The following CAMK1D variants were observed in gnomAD, a reference collection of about 807,000 sequenced individuals.
The protein encoded by CAMK1D is calcium/calmodulin-dependent protein kinase type 1D.
Under a neutral mutation model 47.7 loss-of-function variants are expected in CAMK1D, and 9 were observed. The ratio of observed to expected loss-of-function variants is 0.19; its 90% confidence interval spans 0.11 to 0.33. The LOEUF is 0.33. CAMK1D is among the 10% of genes least tolerant of loss of function. The probability of loss-of-function intolerance (pLI) is 1.00; values close to 1 mark genes in which losing one functional copy is unlikely to be tolerated. For missense variants in CAMK1D, 291 were observed against 488.7 expected (o/e 0.60, Z 3.81); for synonymous variants, 184 against 184.9 (o/e 0.99, Z 0.04).
intron 2 of CAMK1D, among the ~76,000 whole-genome samples, chr10:12,600,054 A>C (rs750215375): frequency 6.6e-6 from 1 of 152,206 alleles, no homozygotes; most frequent in Non-Finnish European, 1.5e-5. Context: ...GCAGTGAGCT[A>C]TGATTGTGCC....
At chr10:12,535,588 A>G (rs1835943956) in intron 1 of CAMK1D, among the ~76,000 whole-genome samples, 1 of 152,156 alleles carries the variant, frequency 6.6e-6, no homozygotes, top group Non-Finnish European at 1.5e-5. Context: ...GGGCCTCTTT[A>G]GTTAGGTTCT....
intron 3 of CAMK1D, among the ~76,000 whole-genome samples, chr10:12,734,345 A>AATATAT (rs1212612487): frequency 1.2e-4 from 1 of 8,476 alleles, no homozygotes; most frequent in African/African-American, 2.9e-4. Context: ...AAAAAAAAAA[A>AATATAT]ATATATATAT....
At chr10:12,812,941 A>C (rs1310199533) in intron 6 of CAMK1D, among the ~76,000 whole-genome samples, 1 of 152,216 alleles carries the variant, frequency 6.6e-6, no homozygotes, top group Non-Finnish European at 1.5e-5. Flanking sequence ...CAGGGAAGGA[A>C]ATTTTGGTCC....
At chr10:12,821,535 A>G (rs1833010556) in intron 8 of CAMK1D, among the ~76,000 whole-genome samples, 1 of 152,228 alleles carries the variant, frequency 6.6e-6, no homozygotes, top group African/African-American at 2.4e-5. Context: ...ACTCAGAGCC[A>G]GGAAGGTAGA....
chr10:12,697,204 A>G (rs924689184), intron 3 of CAMK1D, among the ~76,000 whole-genome samples: 4 of 152,182 alleles, frequency 2.6e-5, no homozygotes, highest in African/African-American at 7.2e-5. Context: ...AAATGATTCA[A>G]CCTTTCATAT....
At chr10:12,412,907 G>A (rs150485172) in intron 1 of CAMK1D, among the ~76,000 whole-genome samples, 14 of 152,194 alleles carry the variant, frequency 9.2e-5, no homozygotes, top group African/African-American at 2.6e-4. Context: ...GTTCATGAAC[G>A]CATCCTACTG....
chr10:12,683,394 C>A (rs1035011771), intron 3 of CAMK1D, among the ~76,000 whole-genome samples: 1 of 152,034 alleles, frequency 6.6e-6, no homozygotes, highest in Non-Finnish European at 1.5e-5. Context: ...CCATAAAATT[C>A]TTTTTATAAG....
chr10:12,813,196 A>G (rs970126828), intron 6 of CAMK1D, among the ~76,000 whole-genome samples: 3 of 152,242 alleles, frequency 2.0e-5, no homozygotes, highest in Non-Finnish European at 4.4e-5. Context: ...GTATTATGAT[A>G]TTGTAGGCTT....
chr10:12,771,917 C>A (rs1837056699), intron 5 of CAMK1D, among the ~76,000 whole-genome samples: 1 of 152,068 alleles, frequency 6.6e-6, no homozygotes, highest in African/African-American at 2.4e-5. Flanking sequence ...ACCTGTAGTC[C>A]CAGCTACTTG....
intron 5 of CAMK1D, among the ~76,000 whole-genome samples, chr10:12,788,931 A>T (rs1252822959): frequency 6.6e-6 from 1 of 152,210 alleles, no homozygotes; most frequent in African/African-American, 2.4e-5. Flanking sequence ...TAAAAATCTG[A>T]TAGAAAGTTT....
chr10:12,740,389 A>G (rs1177779024), intron 3 of CAMK1D, among the ~76,000 whole-genome samples: 7 of 152,222 alleles, frequency 4.6e-5, no homozygotes. Context: ...ACCTGAGGGC[A>G]GGAGTTTGAG....
chr10:12,410,546 T>C (rs1333602792), intron 1 of CAMK1D, among the ~76,000 whole-genome samples: 1 of 152,180 alleles, frequency 6.6e-6, no homozygotes, highest in East Asian at 1.9e-4. Flanking sequence ...GCTAAAGCAA[T>C]GCACAGAAGA....
intron 1 of CAMK1D, among the ~76,000 whole-genome samples, chr10:12,448,390 TTCTC>T (rs1832985382): frequency 6.6e-6 from 1 of 151,808 alleles, no homozygotes; most frequent in Non-Finnish European, 1.5e-5. Flanking sequence ...TTTTTTTTGT[TTCTC>T]TATATTGCCC....
At chr10:12,812,339 G>C (rs1832639994) in intron 6 of CAMK1D, among the ~76,000 whole-genome samples, 1 of 152,218 alleles carries the variant, frequency 6.6e-6, no homozygotes. Flanking sequence ...CCATGGGCCG[G>C]GCTCAGTGGC....
chr10:12,756,985 AC>A lies in CAMK1D; in HGVS notation c.300-3961del, dbSNP rs141691992. ...TGCAGAGGCAGGCTGTTGTAAATAA[AC>A]CTCAAAGTTGGAATTCAGAAGAGTA... On this transcript the variant is annotated intron_variant, in intron 3 of 10. Transcript: ENST00000619168. Among the ~76,000 whole-genome samples the A allele has an allele frequency of 6.9e-3, 1,046 of 152,272 alleles. 26 individuals are homozygous for A. The highest frequency in any genetic ancestry group is 0.062 in the East Asian group (323 of 5,184).
chr10:12,734,509 C>T (rs529715879), intron 3 of CAMK1D, among the ~76,000 whole-genome samples: 366 of 140,232 alleles, frequency 2.6e-3, no homozygotes, highest in Middle Eastern at 0.015. Flanking sequence ...TACACACACA[C>T]ATATATATAC....
chr10:12,616,104 G>A (rs1033668761), intron 2 of CAMK1D, among the ~76,000 whole-genome samples: 1 of 151,822 alleles, frequency 6.6e-6, no homozygotes, highest in East Asian at 1.9e-4. Context: ...AGGTGTGAGC[G>A]TGTGTGTATG....
intron 1 of CAMK1D, among the ~76,000 whole-genome samples, chr10:12,404,439 T>A (rs1162642552): frequency 6.6e-6 from 1 of 152,252 alleles, no homozygotes; most frequent in Non-Finnish European, 1.5e-5. Context: ...AATATACAGT[T>A]GTGTCTAATT....
chr10:12,406,117 ATTGTG>A, intron 1 of CAMK1D, among the ~76,000 whole-genome samples: 1 of 152,190 alleles, frequency 6.6e-6, no homozygotes, highest in South Asian at 2.1e-4. Flanking sequence ...AAAACAGCTC[ATTGTG>A]TTTCTCAGTG....
Sources: allele counts gnomAD v4.1 joint callset (sites outside exome capture counted in the v4.1 genomes callset), GRCh38; gene constraint gnomAD v4.1.1; transcripts MANE v1.5; gene names NCBI Gene and HGNC (gene_info 2026-07-23, HGNC 2026-07-21).